Variants in MS4A15 observed in about 807,000 individuals in gnomAD.
MS4A15 encodes membrane spanning 4-domains A15.
MS4A15 carries 22 observed loss-of-function variants against 20.6 expected under a neutral mutation model. The ratio of observed to expected loss-of-function variants is 1.07; its 90% CI spans 0.76 to 1.52. The LOEUF (loss-of-function observed/expected upper bound fraction) is 1.52. MS4A15 is among the 40% of genes most tolerant of loss of function. MS4A15 has a pLI of 0.00. For synonymous variants in MS4A15, 129 were observed against 129.3 expected (o/e 1.00, Z 0.02); for missense variants, 312 against 323.0 (o/e 0.97, Z 0.26).
chr11:60,760,360 C>T (rs1271364222), intron 1 of MS4A15, among the ~76,000 whole-genome samples: 1 of 152,228 alleles, frequency 6.6e-6, no homozygotes, highest in African/African-American at 2.4e-5. Context: ...CAATGGCATT[C>T]TCTTTCCCCT....
chr11:60,768,794 G>C (rs1205594477), intron 3 of MS4A15, among the ~76,000 whole-genome samples: 2 of 152,190 alleles, frequency 1.3e-5, no homozygotes, highest in Admixed American at 6.5e-5. Context: ...TTTTTCGAGA[G>C]AAAGCCAGAG....
chr11:60,760,917 C>G (rs910955323), intron 1 of MS4A15, among the ~76,000 whole-genome samples: 2 of 152,150 alleles, frequency 1.3e-5, no homozygotes, highest in Admixed American at 1.3e-4. Flanking sequence ...GGCATAGAAG[C>G]CTCTGTAACT....
chr11:60,768,367 G>A (rs1470948189), intron 3 of MS4A15, among the ~76,000 whole-genome samples: 2 of 152,176 alleles, frequency 1.3e-5, no homozygotes, highest in African/African-American at 4.8e-5. Flanking sequence ...CAGCTCTGAA[G>A]CCCCTGAGCC....
rs1167967321 is a variant in MS4A15 at position 60,775,774 on chromosome 11, C to A, written c.*59C>A. 1 of 1,346,542 alleles carries A rather than the reference C, an allele frequency of 7.4e-7. No homozygotes were observed. Among genetic ancestry groups the A allele is most frequent in the East Asian group, 2.3e-5 (1 of 43,196 alleles). 83.4% of individuals were successfully genotyped at this position (1,346,542 alleles called of 1,614,324 possible). On this transcript the variant is annotated 3_prime_UTR_variant, in exon 7 of 7. Transcript: ENST00000405633. Reference sequence around the variant, plus strand: ...CCTTTTCCCTCTGGGCCCAGCCTCTCCCCACCCCCACCTTGTTCATCAGGG... The same window carrying A: ...CCTTTTCCCTCTGGGCCCAGCCTCTACCCACCCCCACCTTGTTCATCAGGG...
At chr11:60,760,907 G>C (rs868044794) in intron 1 of MS4A15, among the ~76,000 whole-genome samples, 1 of 152,224 alleles carries the variant, frequency 6.6e-6, no homozygotes, top group Non-Finnish European at 1.5e-5. Flanking sequence ...CCGGCTTGCA[G>C]GCATAGAAGC....
chr11:60,763,167 A>G (rs1474436640), intron 1 of MS4A15, among the ~76,000 whole-genome samples: 2 of 152,152 alleles, frequency 1.3e-5, no homozygotes, highest in African/African-American at 4.8e-5. Context: ...ATATCTACAC[A>G]TTTCTTGGCT....
chr11:60,775,460 C>T (rs1161793321), intron 6 of MS4A15, 145 bp from the exon 7 acceptor site: 2 of 638,762 alleles, frequency 3.1e-6, no homozygotes, highest in Non-Finnish European at 5.6e-6. Context: ...ATATTGGTTG[C>T]ACGGAGAGCC....
intron 1 of MS4A15, among the ~76,000 whole-genome samples, chr11:60,759,258 A>T (rs1349877358): frequency 6.6e-6 from 1 of 152,270 alleles, no homozygotes; most frequent in African/African-American, 2.4e-5. Flanking sequence ...GTGCTCACAG[A>T]AACATGTGCT....
intron 3 of MS4A15, among the ~76,000 whole-genome samples, chr11:60,768,017 AC>A (rs1853926472): frequency 6.6e-6 from 1 of 151,790 alleles, no homozygotes; most frequent in South Asian, 2.1e-4. Context: ...ACATGGTGAT[AC>A]CCCGTCTCTA....
chr11:60,775,330 A>AAAAAAGC (rs146432979), intron 6 of MS4A15, among the ~76,000 whole-genome samples: 13 of 141,846 alleles, frequency 9.2e-5, no homozygotes, highest in African/African-American at 3.7e-4. Context: ...AAAAAAAAAG[A>AAAAAAGC]AAAGAAAAAA....
In MS4A15 at chr11:60,773,868, C is replaced by A; in HGVS notation, c.530C>A (p.Thr177Asn). The A allele has an allele frequency of 6.2e-7, 1 of 1,614,210 alleles. No individual in the cohort carries two copies. The highest frequency in any genetic ancestry group is 1.1e-5 in the South Asian group (1 of 91,084). ...GACAGGGGCTATCTGGCCGTGCTTA[C>A]TATCTTCACTGTCCTGGAGTTCTTC... ...DVDRGYLAVL[T>N]IFTVLEFFTA... The change falls in exon 6 of 7, where the codon ACT becomes AAT. Residue 177 changes from threonine to asparagine, a missense_variant. Coordinates refer to ENST00000405633, the MANE Select transcript of MS4A15 (RefSeq NM_001098835.2).
chr11:60,766,039 G>T (rs1356857094), intron 2 of MS4A15, among the ~76,000 whole-genome samples: 1 of 152,218 alleles, frequency 6.6e-6, no homozygotes, highest in Non-Finnish European at 1.5e-5. Flanking sequence ...GCAAGTTACT[G>T]AACATCTCTG....
chr11:60,762,930 T>C (rs530535262), intron 1 of MS4A15, among the ~76,000 whole-genome samples: 1 of 152,274 alleles, frequency 6.6e-6, no homozygotes, highest in South Asian at 2.1e-4. Context: ...AGAAGGTGGT[T>C]TGAGAGCTTT....
intron 2 of MS4A15, among the ~76,000 whole-genome samples, chr11:60,765,441 C>G (rs1260007490): frequency 1.3e-5 from 2 of 151,928 alleles, no homozygotes; most frequent in Non-Finnish European, 2.9e-5. Context: ...AAGATGATGA[C>G]AGCTCTTACT....
chr11:60,770,463 T>C (rs1854005262), intron 3 of MS4A15, among the ~76,000 whole-genome samples: 2 of 151,688 alleles, frequency 1.3e-5, no homozygotes, highest in Non-Finnish European at 1.5e-5. Context: ...CTGGGTGTGG[T>C]GGCGGGCGTC....
intron 1 of MS4A15, among the ~76,000 whole-genome samples, chr11:60,760,419 A>C (rs1853708706): frequency 6.6e-6 from 1 of 152,166 alleles, no homozygotes; most frequent in Non-Finnish European, 1.5e-5. Context: ...GCCTAATGCT[A>C]TCTGGCAAAC....
At chr11:60,769,477 G>C (rs1174858982) in intron 3 of MS4A15, among the ~76,000 whole-genome samples, 1 of 152,124 alleles carries the variant, frequency 6.6e-6, no homozygotes, top group Admixed American at 6.5e-5. Flanking sequence ...TATGAACCTG[G>C]GCAAGTTGCT....
chr11:60,769,586 C>T lies in MS4A15; in HGVS notation c.349-1705C>T, dbSNP rs562412987. 1.2e-4 allele frequency among the ~76,000 whole-genome samples: 19 copies of T among 152,222 alleles called. No homozygotes were observed. In the East Asian group the frequency reaches 3.3e-3, roughly 26 times the overall value. Reference sequence around the variant, plus strand: ...AACCCAGCTGCCCTCTTGACAACTCCGCTTGATGCTGAAAAGGCAACTCAG... The same window carrying T: ...AACCCAGCTGCCCTCTTGACAACTCTGCTTGATGCTGAAAAGGCAACTCAG... On this transcript the variant is annotated intron_variant, in intron 3 of 6. Coordinates refer to ENST00000405633, the MANE Select transcript of MS4A15 (RefSeq NM_001098835.2).
chr11:60,758,153 C>A (rs1853638737), intron 1 of MS4A15, among the ~76,000 whole-genome samples: 3 of 152,094 alleles, frequency 2.0e-5, no homozygotes, highest in South Asian at 4.1e-4. Flanking sequence ...TATCCCGATA[C>A]AACTTGATAT....
Sources: allele counts gnomAD v4.1 joint callset (sites outside exome capture counted in the v4.1 genomes callset), GRCh38; gene constraint gnomAD v4.1.1; transcripts MANE v1.5; gene names NCBI Gene and HGNC (gene_info 2026-07-23, HGNC 2026-07-21).